Variants in CAMK2D observed in about 807,000 individuals in gnomAD.
CAMK2D encodes the protein calcium/calmodulin-dependent protein kinase type II subunit delta.
CAMK2D carries 37 observed loss-of-function variants against 84.0 expected under a neutral mutation model. That is an observed-to-expected ratio of 0.44 (90% CI 0.34 to 0.58). CAMK2D has a LOEUF of 0.58. CAMK2D is among the 20% of genes least tolerant of loss of function. The pLI is 0.02. For missense variants in CAMK2D, 448 were observed against 652.5 expected (o/e 0.69, Z 3.41); for synonymous variants, 202 against 212.5 (o/e 0.95, Z 0.43).
At chr4:113,526,982 T>A (rs1312045294) in intron 8 of CAMK2D, among the ~76,000 whole-genome samples, 1 of 151,810 alleles carries the variant, frequency 6.6e-6, no homozygotes, top group African/African-American at 2.4e-5. Context: ...AACCCTGCAT[T>A]GAGAAAGTCT....
intron 14 of CAMK2D, chr4:113,503,310 C>G (rs1590275490): frequency 3.6e-6 from 2 of 560,918 alleles, no homozygotes; most frequent in Non-Finnish European, 6.9e-6. Flanking sequence ...TAATGAGTGG[C>G]CTGTGAACGT....
chr4:113,677,636 G>T, intron 2 of CAMK2D: 1 of 509,904 alleles, frequency 2.0e-6, no homozygotes, highest in Non-Finnish European at 2.5e-6. Flanking sequence ...TGTCAGTAGT[G>T]GCCCTTGGAT....
At chr4:113,538,208 G>C (rs902731069) in intron 6 of CAMK2D, among the ~76,000 whole-genome samples, 1 of 151,546 alleles carries the variant, frequency 6.6e-6, no homozygotes, top group African/African-American at 2.4e-5. Flanking sequence ...TTATTTTCTT[G>C]GGTACTTATC....
At chr4:113,568,034 G>A (rs1284178083) in intron 4 of CAMK2D, among the ~76,000 whole-genome samples, 1 of 152,160 alleles carries the variant, frequency 6.6e-6, no homozygotes, top group African/African-American at 2.4e-5. Context: ...TGTCCACAGT[G>A]TATGTTCAGG....
intron 4 of CAMK2D, among the ~76,000 whole-genome samples, chr4:113,585,572 G>C (rs1052086421): frequency 1.3e-5 from 2 of 152,076 alleles, no homozygotes; most frequent in African/African-American, 4.8e-5. Context: ...CATATGGTCA[G>C]AGGAAAACTC....
intron 15 of CAMK2D, among the ~76,000 whole-genome samples, chr4:113,501,549 T>C (rs895000523): frequency 6.6e-6 from 1 of 152,048 alleles, no homozygotes; most frequent in African/African-American, 2.4e-5. Context: ...GATCAATTTA[T>C]ATAAATATCA....
chr4:113,746,950 CAA>C (rs202063823), intron 2 of CAMK2D, among the ~76,000 whole-genome samples: 383 of 125,708 alleles, frequency 3.0e-3, no homozygotes, highest in African/African-American at 9.9e-3. Flanking sequence ...CTACATCAAC[CAA>C]AAAAAAAAAA....
At chr4:113,731,861 G>A (rs1291055152) in intron 2 of CAMK2D, among the ~76,000 whole-genome samples, 2 of 152,128 alleles carry the variant, frequency 1.3e-5, no homozygotes, top group Non-Finnish European at 2.9e-5. Flanking sequence ...TGGGATTACA[G>A]GTGTGAGCCA....
rs766915008 is a variant in CAMK2D, at chr4:113,729,321, C to T, written c.160+29999G>A. ...CCATGCTCTCTTAAGATAAAATCCACGTTTCTCACCATGAGCCGGAGGACC... is the reference window on the plus strand; with the variant it reads ...CCATGCTCTCTTAAGATAAAATCCATGTTTCTCACCATGAGCCGGAGGACC... On this transcript the variant is annotated intron_variant, in intron 2 of 20. Coordinates refer to ENST00000511664, the MANE Select transcript of CAMK2D (RefSeq NM_001321571.2). Among the ~76,000 whole-genome samples, 6 of 152,170 alleles carry T rather than the reference C, an allele frequency of 3.9e-5. No individual in the cohort carries two copies. The South Asian group carries it at 6.2e-4, about 16-fold the overall frequency.
At chr4:113,746,972 T>C (rs1220451885) in intron 2 of CAMK2D, among the ~76,000 whole-genome samples, 1 of 142,254 alleles carries the variant, frequency 7.0e-6, no homozygotes, top group Non-Finnish European at 1.5e-5. Context: ...AAATCTACCA[T>C]TAATAATATA....
intron 2 of CAMK2D, among the ~76,000 whole-genome samples, chr4:113,686,751 G>A (rs2099360944): frequency 2.0e-5 from 3 of 151,912 alleles, no homozygotes; most frequent in Admixed American, 6.6e-5. Flanking sequence ...ATTTCTCAAC[G>A]AGAGCCATTC....
intron 6 of CAMK2D, among the ~76,000 whole-genome samples, chr4:113,537,963 G>A (rs1214278272): frequency 1.3e-5 from 2 of 152,056 alleles, no homozygotes; most frequent in Non-Finnish European, 2.9e-5. Context: ...AACAATTTTG[G>A]TACAAATTTT....
intron 3 of CAMK2D, among the ~76,000 whole-genome samples, chr4:113,661,387 A>G (rs1214970538): frequency 1.3e-5 from 2 of 152,148 alleles, no homozygotes; most frequent in Non-Finnish European, 2.9e-5. Flanking sequence ...ACCTAAATTT[A>G]TTTATTTATT....
intron 20 of CAMK2D, among the ~76,000 whole-genome samples, chr4:113,455,323 C>G (rs1182393275): frequency 6.6e-6 from 1 of 152,092 alleles, no homozygotes; most frequent in African/African-American, 2.4e-5. Flanking sequence ...TTCGCCATAG[C>G]CAGCTGCTTA....
intron 2 of CAMK2D, chr4:113,754,229 T>C: frequency 6.2e-6 from 6 of 975,518 alleles, no homozygotes; most frequent in Non-Finnish European, 7.3e-6. Flanking sequence ...AATGATTTAT[T>C]AAAACACTGC....
intron 6 of CAMK2D, 49 bp from the exon 7 acceptor site, chr4:113,537,492 A>G (rs757285893): frequency 8.8e-7 from 1 of 1,132,610 alleles, no homozygotes. Flanking sequence ...ACCTATTTTA[A>G]GCGACTATTC....
chr4:113,454,957 G>C (rs907164591), intron 20 of CAMK2D, among the ~76,000 whole-genome samples: 1 of 152,126 alleles, frequency 6.6e-6, no homozygotes, highest in African/African-American at 2.4e-5. Context: ...ATTTAACAAG[G>C]AATATAGTCT....
chr4:113,652,624 C>T (rs1167906796), intron 3 of CAMK2D, among the ~76,000 whole-genome samples: 1 of 152,108 alleles, frequency 6.6e-6, no homozygotes. Flanking sequence ...ACAAAGTACT[C>T]CTCATGTTTG....
chr4:113,664,505 G>A (rs2099250017), intron 2 of CAMK2D, among the ~76,000 whole-genome samples: 1 of 152,166 alleles, frequency 6.6e-6, no homozygotes, highest in Non-Finnish European at 1.5e-5. Context: ...GTTCCTACAG[G>A]ACTTGTTGAG....
Sources: allele counts gnomAD v4.1 joint callset (sites outside exome capture counted in the v4.1 genomes callset), GRCh38; gene constraint gnomAD v4.1.1; transcripts MANE v1.5; gene names NCBI Gene and HGNC (gene_info 2026-07-23, HGNC 2026-07-21).